Variants in KCNMA1 observed in about 807,000 individuals in gnomAD.
KCNMA1 encodes the protein potassium calcium-activated channel subfamily M alpha 1.
KCNMA1 carries 29 observed loss-of-function variants against 140.0 expected under a neutral mutation model. The observed-to-expected ratio is 0.21, with a 90% confidence interval of 0.15 to 0.28. The LOEUF is 0.28. KCNMA1 is among the 10% of genes least tolerant of loss of function. The pLI is 1.00. For synonymous variants in KCNMA1, 612 were observed against 611.9 expected, an observed-to-expected ratio of 1.00 and a Z score of 0.00; for missense variants, 880 against 1,602.2, an observed-to-expected ratio of 0.55 and a Z score of 7.70.
At chr10:77,278,350 A>G (rs563422702) in intron 2 of KCNMA1, among the ~76,000 whole-genome samples, 1 of 152,188 alleles carries the variant, frequency 6.6e-6, no homozygotes, top group Admixed American at 6.5e-5. Context: ...TATCAGTAGG[A>G]AAGATATTAA....
At chr10:76,944,256 T>C (rs773933891) in intron 23 of KCNMA1, among the ~76,000 whole-genome samples, 1 of 152,050 alleles carries the variant, frequency 6.6e-6, no homozygotes, top group Non-Finnish European at 1.5e-5. Flanking sequence ...TATAGGAAAA[T>C]GTGTGGTCTG....
chr10:77,424,218 A>T (rs148974161), intron 1 of KCNMA1, among the ~76,000 whole-genome samples: 1 of 152,268 alleles, frequency 6.6e-6, no homozygotes, highest in African/African-American at 2.4e-5. Context: ...GCTTTGCAGC[A>T]GATTTGTGAG....
chr10:77,571,092 T>A (rs2071096172), intron 1 of KCNMA1, among the ~76,000 whole-genome samples: 1 of 152,238 alleles, frequency 6.6e-6, no homozygotes, highest in Non-Finnish European at 1.5e-5. Context: ...TCTTCAAATC[T>A]CCACGGATTT....
intron 5 of KCNMA1, among the ~76,000 whole-genome samples, chr10:77,153,024 C>T (rs2098442471): frequency 6.6e-6 from 1 of 152,132 alleles, no homozygotes. Flanking sequence ...GTCTCAAGGG[C>T]ATCTTGAGAC....
intron 1 of KCNMA1, chr10:77,635,339 T>G (rs558873456): frequency 2.0e-5 from 3 of 152,278 alleles, no homozygotes; most frequent in Admixed American, 6.5e-5. Flanking sequence ...CACCACAACT[T>G]ATTTTCAATC....
chr10:77,510,770 C>T (rs2048087576), intron 1 of KCNMA1, among the ~76,000 whole-genome samples: 1 of 152,092 alleles, frequency 6.6e-6, no homozygotes, highest in South Asian at 2.1e-4. Flanking sequence ...TGCACTCCAG[C>T]CTGAGCAACA....
chr10:77,605,521 G>A (rs190384606), intron 1 of KCNMA1, among the ~76,000 whole-genome samples: 160 of 152,232 alleles, frequency 1.1e-3, no homozygotes, highest in Non-Finnish European at 1.9e-3. Context: ...TGCTCAAAGG[G>A]GCCTGGAGAC....
intron 1 of KCNMA1, among the ~76,000 whole-genome samples, chr10:77,486,064 C>T (rs1379037735): frequency 6.6e-6 from 1 of 152,122 alleles, no homozygotes; most frequent in Non-Finnish European, 1.5e-5. Context: ...TAGGGTGTTG[C>T]AATCCTAACA....
chr10:77,079,912 C>G (rs1415804567), intron 12 of KCNMA1, among the ~76,000 whole-genome samples: 2 of 152,180 alleles, frequency 1.3e-5, no homozygotes, highest in Non-Finnish European at 2.9e-5. Context: ...TCAACTATCT[C>G]TTGGAATATG....
chr10:77,191,003 C>T (rs1224576878), intron 3 of KCNMA1, among the ~76,000 whole-genome samples: 2 of 152,090 alleles, frequency 1.3e-5, no homozygotes, highest in Non-Finnish European at 2.9e-5. Context: ...CTTTGCATCC[C>T]ATTTGATCCA....
At chr10:77,237,449 C>CT (rs1461897373) in intron 3 of KCNMA1, among the ~76,000 whole-genome samples, 1 of 152,176 alleles carries the variant, frequency 6.6e-6, no homozygotes, top group African/African-American at 2.4e-5. Context: ...TTCCTCCCCA[C>CT]TTTCTTTTTG....
At chr10:77,009,602 G>A (rs1398676304) in intron 18 of KCNMA1, among the ~76,000 whole-genome samples, 2 of 151,960 alleles carry the variant, frequency 1.3e-5, no homozygotes, top group African/African-American at 4.8e-5. Flanking sequence ...TCTTCCAAAG[G>A]CTTCCTAATA....
intron 25 of KCNMA1, among the ~76,000 whole-genome samples, chr10:76,907,635 C>T (rs2048338487): frequency 1.3e-5 from 2 of 152,098 alleles, no homozygotes; most frequent in Admixed American, 1.3e-4. Context: ...ACCTCCCAGG[C>T]TCAAGCGATT....
chr10:77,235,190 A>G (rs888932667), intron 3 of KCNMA1, among the ~76,000 whole-genome samples: 4 of 152,200 alleles, frequency 2.6e-5, no homozygotes, highest in Non-Finnish European at 5.9e-5. Context: ...TAAGGACTTC[A>G]TTAGGCTGAA....
intron 5 of KCNMA1, among the ~76,000 whole-genome samples, chr10:77,141,473 T>G (rs956316440): frequency 1.3e-5 from 2 of 152,184 alleles, no homozygotes; most frequent in Non-Finnish European, 2.9e-5. Context: ...AGTTTGCTCT[T>G]TCTCCCTCTC....
intron 5 of KCNMA1, among the ~76,000 whole-genome samples, chr10:77,144,190 T>C (rs993609): frequency 0.44 from 66,353 of 152,026 alleles, 15,182 homozygotes; most frequent in Non-Finnish European, 0.49. Context: ...ACAGGGTGGT[T>C]TGATAAACAA....
chr10:77,548,256 C>T (rs765447242), intron 1 of KCNMA1, among the ~76,000 whole-genome samples: 1 of 152,188 alleles, frequency 6.6e-6, no homozygotes, highest in Non-Finnish European at 1.5e-5. Flanking sequence ...GCAATCTGTG[C>T]ACCACCTCAG....
intron 2 of KCNMA1, among the ~76,000 whole-genome samples, chr10:77,287,844 A>G (rs1291906575): frequency 6.6e-6 from 1 of 152,228 alleles, no homozygotes; most frequent in Non-Finnish European, 1.5e-5. Context: ...CAGAGCAAAC[A>G]GAGTTACTGC....
At chr10:76,961,833 T>A (rs1233953989) in intron 20 of KCNMA1, among the ~76,000 whole-genome samples, 1 of 152,210 alleles carries the variant, frequency 6.6e-6, no homozygotes, top group Non-Finnish European at 1.5e-5. Flanking sequence ...ACACACTTAA[T>A]AGACTACAGA....
Sources: gnomAD v4.1 joint callset for allele counts (sites outside exome capture counted in the v4.1 genomes callset) on GRCh38, gnomAD v4.1.1 for gene constraint, MANE v1.5 for transcripts, NCBI Gene and HGNC (gene_info 2026-07-23, HGNC 2026-07-21) for gene names.